Variants in HECW2 observed in about 807,000 individuals in gnomAD.
HECW2 encodes the protein HECT, C2 and WW domain containing E3 ubiquitin protein ligase 2.
Under a neutral mutation model 175.2 loss-of-function variants are expected in HECW2, and 61 were observed. The observed-to-expected ratio is 0.35, with a 90% CI of 0.28 to 0.43. The LOEUF is 0.43. Among genes scored for constraint, HECW2 ranks in the 20% least tolerant of loss-of-function variants. The probability of loss-of-function intolerance (pLI) is 1.00; values close to 1 mark genes in which losing one functional copy is unlikely to be tolerated. For missense variants in HECW2, 1,524 were observed against 2,000.5 expected (o/e 0.76, Z 4.54); for synonymous variants, 671 against 731.0 (o/e 0.92, Z 1.32).
intron 2 of HECW2, among the ~76,000 whole-genome samples, chr2:196,374,479 G>C (rs13408753): frequency 0.085 from 12,941 of 152,174 alleles, 1,019 homozygotes; most frequent in African/African-American, 0.2. Flanking sequence ...GAAAAGAAAC[G>C]CTTCATTGTG....
At chr2:196,278,128 T>TAAAAAAAA (rs1177192407) in intron 15 of HECW2, among the ~76,000 whole-genome samples, 8 of 30,196 alleles carry the variant, frequency 2.6e-4, no homozygotes, top group African/African-American at 4.4e-4. Flanking sequence ...AAAGTATAAT[T>TAAAAAAAA]AAAAAATATA....
chr2:196,431,047 G>GA (rs1695696732), intron 2 of HECW2, among the ~76,000 whole-genome samples: 1 of 152,058 alleles, frequency 6.6e-6, no homozygotes, highest in Non-Finnish European at 1.5e-5. Flanking sequence ...CAAAGGAGGG[G>GA]AAAAAAGACA....
chr2:196,419,814 C>T (rs1293639162), intron 2 of HECW2, among the ~76,000 whole-genome samples: 1 of 152,116 alleles, frequency 6.6e-6, no homozygotes, highest in Non-Finnish European at 1.5e-5. Flanking sequence ...AATTGAAGCT[C>T]GGAATGGTTC....
At chr2:196,240,697 C>A in intron 20 of HECW2, 135 bp from the exon 21 acceptor site, 1 of 873,156 alleles carries the variant, frequency 1.1e-6, no homozygotes, top group Non-Finnish European at 1.6e-6. Context: ...TCATTGCTGT[C>A]TGCAATAAAG....
At chr2:196,224,806 G>A (rs1426784875) in intron 23 of HECW2, among the ~76,000 whole-genome samples, 1 of 152,098 alleles carries the variant, frequency 6.6e-6, no homozygotes, top group African/African-American at 2.4e-5. Context: ...TAAGAGATAA[G>A]GCAATGAAAT....
chr2:196,366,465 CTATGTT>C (rs571417816), intron 2 of HECW2, among the ~76,000 whole-genome samples: 129 of 152,274 alleles, frequency 8.5e-4, no homozygotes, highest in Middle Eastern at 6.8e-3. Flanking sequence ...CCTCAGTTAT[CTATGTT>C]TAACAGATCA....
At chr2:196,389,940 A>G (rs10182718) in intron 2 of HECW2, among the ~76,000 whole-genome samples, 152,164 of 152,246 alleles carry the variant, frequency 1, 76,041 homozygotes, top group East Asian at 1. Flanking sequence ...TACACCACTC[A>G]TGCTAAGCTT....
In HECW2 at chr2:196,220,100, G is replaced by A. The variant is rs1687613116; in HGVS notation, c.4347C>T (p.Val1449=). The A allele has an allele frequency of 6.2e-7, 1 of 1,613,658 alleles. No homozygotes were observed. Among genetic ancestry groups the A allele is most frequent in the Non-Finnish European group, 8.5e-7 (1 of 1,179,862 alleles). ...SVFDARELEL[V]IAGTAEIDLS... ...GGTCTATTTCAGCTGTGCCTGCGAT[G>A]ACCAATTCCAGTTCTCTTGCATCAA... Residue 1449 remains valine (V), a synonymous_variant, in exon 26 of 29, where the codon GTC becomes GTT. Transcript: ENST00000644978.
intron 19 of HECW2, among the ~76,000 whole-genome samples, chr2:196,248,367 G>A (rs1688723572): frequency 6.6e-6 from 1 of 152,152 alleles, no homozygotes; most frequent in Non-Finnish European, 1.5e-5. Flanking sequence ...TACTATGAGA[G>A]AGACAGTGTC....
At chr2:196,381,723 A>G (rs1315796724) in intron 2 of HECW2, among the ~76,000 whole-genome samples, 2 of 152,172 alleles carry the variant, frequency 1.3e-5, no homozygotes, top group East Asian at 1.9e-4. Flanking sequence ...GACCATGACT[A>G]GAAGTCTAGT....
chr2:196,583,948 G>C (rs1690884762), intron 1 of HECW2, among the ~76,000 whole-genome samples: 1 of 152,136 alleles, frequency 6.6e-6, no homozygotes, highest in Non-Finnish European at 1.5e-5. Context: ...TGCTACAAAC[G>C]AGTGATTCCC....
chr2:196,375,016 GC>G (rs1694010969), intron 2 of HECW2, among the ~76,000 whole-genome samples: 1 of 151,720 alleles, frequency 6.6e-6, no homozygotes, highest in African/African-American at 2.4e-5. Context: ...ACAAAAATTA[GC>G]CAGTCGTGGT....
chr2:196,580,267 A>T (rs1399647667), intron 1 of HECW2, among the ~76,000 whole-genome samples: 2 of 152,174 alleles, frequency 1.3e-5, no homozygotes, highest in Admixed American at 1.3e-4. Context: ...GGATAAAACA[A>T]CTAAAGATCA....
chr2:196,451,785 G>A (rs1424577356), intron 1 of HECW2, among the ~76,000 whole-genome samples: 3 of 152,152 alleles, frequency 2.0e-5, no homozygotes, highest in Non-Finnish European at 4.4e-5. Flanking sequence ...TCTAATCCCA[G>A]CTACTTGGGA....
intron 14 of HECW2, among the ~76,000 whole-genome samples, chr2:196,279,663 C>A (rs1690113695): frequency 2.6e-5 from 4 of 152,236 alleles, no homozygotes; most frequent in African/African-American, 7.2e-5. Context: ...CATTCCCACT[C>A]TTTGGTCAGT....
In HECW2 at chr2:196,242,108, T is replaced by C; in HGVS notation, c.3626A>G (p.Tyr1209Cys). The change falls in exon 20 of 29, where the codon TAT becomes TGT. Residue 1209 changes from tyrosine to cysteine, a missense_variant. Physicochemically the swap from Tyr to Cys is radical, Grantham distance 194 (BLOSUM62 -2). Coordinates refer to ENST00000644978, the MANE Select transcript of HECW2 (RefSeq NM_001348768.2). ...CTTTAACTTCCCTGGGCCTTGTCCA[T>C]ATCCTTTAGTCTCTAACTTCCTGTA... Reference protein sequence around the residue: ...NFYRKLETKGYGQGPGKLKLI... With the variant: ...NFYRKLETKGCGQGPGKLKLI... 6.2e-7 allele frequency: 1 copy of C among 1,614,204 alleles called. No homozygotes were observed.
intron 2 of HECW2, among the ~76,000 whole-genome samples, chr2:196,412,716 T>C (rs1695148529): frequency 6.6e-6 from 1 of 152,250 alleles, no homozygotes; most frequent in South Asian, 2.1e-4. Flanking sequence ...TTTTCATCTT[T>C]GCTCTTTTTA....
At chr2:196,512,520 C>T (rs545164468) in intron 1 of HECW2, among the ~76,000 whole-genome samples, 2 of 151,904 alleles carry the variant, frequency 1.3e-5, no homozygotes, top group East Asian at 3.9e-4. Flanking sequence ...GCTTTTCAAG[C>T]AGCCAGGACT....
chr2:196,593,289 G>A (rs1691279873), intron 1 of HECW2, among the ~76,000 whole-genome samples: 2 of 151,372 alleles, frequency 1.3e-5, no homozygotes, highest in East Asian at 3.9e-4. Flanking sequence ...AGGGCGCCGG[G>A]GGTCCTGCGC....
Sources: gnomAD v4.1 joint callset for allele counts (sites outside exome capture counted in the v4.1 genomes callset) on GRCh38, gnomAD v4.1.1 for gene constraint, MANE v1.5 for transcripts, NCBI Gene and HGNC (gene_info 2026-07-23, HGNC 2026-07-21) for gene names.